The following DYM variants were observed in gnomAD, a reference collection of about 807,000 sequenced individuals.
DYM encodes the protein dyggve-Melchior-Clausen syndrome protein.
Under a neutral mutation model 93.1 loss-of-function variants are expected in DYM, and 78 were observed. The ratio of observed to expected loss-of-function variants is 0.84; its 90% CI spans 0.70 to 1.01. DYM has a LOEUF of 1.01. DYM is among the 50% of genes least tolerant of loss of function. DYM has a pLI of 0.00. For missense variants in DYM, 789 were observed against 845.0 expected (o/e 0.93, Z 0.82); for synonymous variants, 321 against 319.7 (o/e 1.00, Z -0.04).
At chr18:49,118,950 C>A in intron 15 of DYM, 24 bp from the exon 16 acceptor site, 1 of 1,606,014 alleles carries the variant, frequency 6.2e-7, no homozygotes, top group Non-Finnish European at 8.5e-7. Context: ...GAAACCCCAA[C>A]ACAGAGTCAG....
chr18:49,404,761 T>C (rs930343192), intron 2 of DYM, among the ~76,000 whole-genome samples: 1 of 152,210 alleles, frequency 6.6e-6, no homozygotes, highest in African/African-American at 2.4e-5. Flanking sequence ...GGCTCACGCC[T>C]GTAATCCCAG....
intron 9 of DYM, 76 bp from the exon 10 acceptor site, chr18:49,282,251 G>T: frequency 1.6e-6 from 2 of 1,279,264 alleles, no homozygotes; most frequent in Non-Finnish European, 2.2e-6. Flanking sequence ...AAAGTAATGT[G>T]TACAACTCAA....
rs77631508 is a variant in DYM at position 49,298,264 on chromosome 18, T to C, written c.764-11648A>G. Among the ~76,000 whole-genome samples, 591 of 152,330 alleles carry C rather than the reference T, an allele frequency of 3.9e-3. 1 individual carries two copies. The highest frequency in any genetic ancestry group is 0.013 in the African/African-American group (552 of 41,568). On this transcript the variant is annotated intron_variant, in intron 8 of 17. Coordinates refer to ENST00000675505, the MANE Select transcript of DYM (RefSeq NM_001353214.3). The stretch of plus-strand genomic sequence containing the variant: ...AAACTCATAGCACAGTAAAACTTTT[T>C]ATCCACCTTTGTAGTTTCAAATTTG...
intron 6 of DYM, among the ~76,000 whole-genome samples, chr18:49,342,550 G>T (rs912136154): frequency 3.9e-5 from 6 of 152,102 alleles, no homozygotes; most frequent in Non-Finnish European, 7.4e-5. Context: ...CCAAAAATTT[G>T]CCTACCAGCC....
At chr18:49,292,984 A>G (rs1305738688) in intron 8 of DYM, among the ~76,000 whole-genome samples, 1 of 151,812 alleles carries the variant, frequency 6.6e-6, no homozygotes, top group Non-Finnish European at 1.5e-5. Flanking sequence ...CTAGCCCCTT[A>G]CCCACCGACA....
intron 10 of DYM, among the ~76,000 whole-genome samples, chr18:49,275,899 T>C (rs1599058845): frequency 6.6e-6 from 1 of 152,204 alleles, no homozygotes; most frequent in Non-Finnish European, 1.5e-5. Flanking sequence ...TTTTTGCATA[T>C]TGACTTTTTA....
chr18:49,183,246 G>T (rs1466198990), intron 14 of DYM, among the ~76,000 whole-genome samples: 2 of 152,118 alleles, frequency 1.3e-5, no homozygotes, highest in African/African-American at 4.8e-5. Context: ...ATTGTAGATT[G>T]TAAATGCCAG....
At chr18:49,289,404 TAAAAAAAAAAAAAAA>T (rs56240607) in intron 8 of DYM, among the ~76,000 whole-genome samples, 3 of 33,508 alleles carry the variant, frequency 9.0e-5, no homozygotes, top group African/African-American at 3.7e-4. Flanking sequence ...TACAAATCAG[TAAAAAAAAAAAAAAA>T]AAAAAAAAAA....
chr18:49,067,821 A>G (rs1386930452), intron 17 of DYM, among the ~76,000 whole-genome samples: 1 of 152,196 alleles, frequency 6.6e-6, no homozygotes, highest in African/African-American at 2.4e-5. Flanking sequence ...AGACAGTTCT[A>G]AAAATATTTA....
intron 13 of DYM, among the ~76,000 whole-genome samples, chr18:49,245,612 G>A (rs532742791): frequency 2.0e-5 from 3 of 152,242 alleles, no homozygotes; most frequent in South Asian, 2.1e-4. Context: ...CTCTGCTCTC[G>A]AACCCTATTT....
chr18:49,179,086 G>A (rs1416349886), intron 14 of DYM, among the ~76,000 whole-genome samples: 1 of 152,072 alleles, frequency 6.6e-6, no homozygotes, highest in Non-Finnish European at 1.5e-5. Context: ...TGAAAAACAA[G>A]AGAGGTGACA....
rs1046440270 is a variant in DYM at position 49,114,531 on chromosome 18, A to G, written c.1911+4213T>C. 5 of 983,834 alleles carry G rather than the reference A, an allele frequency of 5.1e-6. No homozygotes were observed. In the East Asian group the frequency reaches 5.7e-4, roughly 112 times the overall value. 60.9% of individuals were successfully genotyped at this position (983,834 alleles called of 1,614,324 possible). ...ACAGTGAGGTCCTTTCTACTTCCTCACCTCCACTCTGCTTTTCACTTCTTC... is the reference window on the plus strand; with the variant it reads ...ACAGTGAGGTCCTTTCTACTTCCTCGCCTCCACTCTGCTTTTCACTTCTTC... On this transcript the variant is annotated intron_variant, in intron 16 of 17. Coordinates refer to ENST00000675505, the MANE Select transcript of DYM (RefSeq NM_001353214.3).
At chr18:49,332,515 G>C (rs972299556) in intron 7 of DYM, among the ~76,000 whole-genome samples, 3 of 152,034 alleles carry the variant, frequency 2.0e-5, no homozygotes, top group Non-Finnish European at 4.4e-5. Flanking sequence ...TAGTAATAAA[G>C]AATCAGTAGA....
chr18:49,360,846 T>C (rs2065956776), intron 6 of DYM, among the ~76,000 whole-genome samples: 1 of 152,156 alleles, frequency 6.6e-6, no homozygotes, highest in Non-Finnish European at 1.5e-5. Context: ...CCAGGGCCAA[T>C]GTAATAGTTT....
At chr18:49,441,235 TAA>T (rs2148603605) in intron 1 of DYM, among the ~76,000 whole-genome samples, 8 of 45,280 alleles carry the variant, frequency 1.8e-4, no homozygotes, top group African/African-American at 6.2e-4. Context: ...ATATTATATA[TAA>T]TATACATAAT....
intron 6 of DYM, among the ~76,000 whole-genome samples, chr18:49,335,649 C>T (rs988045849): frequency 1.3e-5 from 2 of 152,100 alleles, no homozygotes; most frequent in Non-Finnish European, 2.9e-5. Context: ...ACATAGCCCA[C>T]GCCTGTCTGG....
chr18:49,297,122 C>T (rs574374193), intron 8 of DYM, among the ~76,000 whole-genome samples: 2 of 152,234 alleles, frequency 1.3e-5, no homozygotes, highest in South Asian at 4.1e-4. Flanking sequence ...TGTCAATTGG[C>T]TTTAATCCTA....
intron 17 of DYM, among the ~76,000 whole-genome samples, chr18:49,087,440 A>G (rs1220039169): frequency 6.6e-6 from 1 of 152,254 alleles, no homozygotes; most frequent in African/African-American, 2.4e-5. Flanking sequence ...TTGCTTACAC[A>G]TCTACCACAT....
intron 6 of DYM, among the ~76,000 whole-genome samples, chr18:49,353,832 G>A (rs1003352471): frequency 6.6e-6 from 1 of 151,946 alleles, no homozygotes; most frequent in African/African-American, 2.4e-5. Flanking sequence ...ACTCAATATT[G>A]TCAAGATTCC....
Sources: allele counts gnomAD v4.1 joint callset (sites outside exome capture counted in the v4.1 genomes callset), GRCh38; gene constraint gnomAD v4.1.1; transcripts MANE v1.5; gene names NCBI Gene and HGNC (gene_info 2026-07-23, HGNC 2026-07-21).